Variants in GRM5 observed in about 807,000 individuals in gnomAD.
The protein encoded by GRM5 is glutamate metabotropic receptor 5, also known as metabotropic glutamate receptor 5.
GRM5 carries 19 observed loss-of-function variants against 83.1 expected under a neutral mutation model. That is an observed-to-expected ratio of 0.23 (90% CI 0.16 to 0.34). The LOEUF is 0.34. Among genes scored for constraint, GRM5 ranks in the 10% least tolerant of loss-of-function variants. The pLI, the probability that GRM5 is intolerant of heterozygous loss-of-function variation, is 1.00. For missense variants in GRM5, 1,160 were observed against 1,588.3 expected (o/e 0.73, Z 4.58); for synonymous variants, 675 against 633.6 (o/e 1.07, Z -0.98).
intron 7 of GRM5, among the ~76,000 whole-genome samples, chr11:88,570,571 ATTTTTTTTTTTT>A (rs1194098388): frequency 6.5e-5 from 3 of 46,376 alleles, no homozygotes; most frequent in African/African-American, 4.0e-4. Flanking sequence ...ATATATATAT[ATTTTTTTTTTTT>A]TTTTTTTTTT....
chr11:88,635,953 T>C (rs571535166), intron 4 of GRM5, among the ~76,000 whole-genome samples: 1 of 152,360 alleles, frequency 6.6e-6, no homozygotes, highest in African/African-American at 2.4e-5. Flanking sequence ...TCTAATTATT[T>C]ACTGCTATTA....
intron 1 of GRM5, among the ~76,000 whole-genome samples, chr11:89,060,127 T>C (rs1269098641): frequency 2.0e-5 from 3 of 152,098 alleles, no homozygotes; most frequent in Admixed American, 6.6e-5. Context: ...GTTTATTGTT[T>C]AGCCACACCA....
chr11:88,928,446 A>ATGTGTG (rs5793360), intron 2 of GRM5, among the ~76,000 whole-genome samples: 4,386 of 144,662 alleles, frequency 0.03, 240 homozygotes, highest in African/African-American at 0.11. Flanking sequence ...AATCTATCAT[A>ATGTGTG]TGTGTGTGTG....
At chr11:88,937,296 G>T (rs544226471) in intron 2 of GRM5, among the ~76,000 whole-genome samples, 2 of 151,770 alleles carry the variant, frequency 1.3e-5, no homozygotes, top group East Asian at 3.9e-4. Context: ...TATTAGTAAT[G>T]ATATTCTCTG....
rs374512915 is a variant in GRM5 at position 88,792,833 on chromosome 11, C to T, written c.911+57073G>A. Among the ~76,000 whole-genome samples the T allele has an allele frequency of 3.2e-4, 48 of 152,034 alleles. 2 individuals are homozygous for T. The East Asian group carries it at 4.2e-3, about 13-fold the overall frequency. Reference sequence around the variant, plus strand: ...TACCATAACCATTTGTATTTACATACGCTTAGAATATGTGCAAGTATTATT... The same window carrying T: ...TACCATAACCATTTGTATTTACATATGCTTAGAATATGTGCAAGTATTATT... On this transcript the variant is annotated intron_variant, in intron 3 of 9. Transcript: ENST00000305447.
chr11:88,604,151 G>A (rs1938077149), intron 5 of GRM5, among the ~76,000 whole-genome samples: 1 of 152,058 alleles, frequency 6.6e-6, no homozygotes, highest in Admixed American at 6.6e-5. Context: ...ATGAGTTTAT[G>A]TTCCTCAAGT....
At chr11:88,770,847 T>C (rs573258400) in intron 3 of GRM5, among the ~76,000 whole-genome samples, 47 of 152,250 alleles carry the variant, frequency 3.1e-4, no homozygotes, top group African/African-American at 1.1e-3. Flanking sequence ...CATGTGATAA[T>C]GTATTCGGTT....
chr11:88,718,938 T>C (rs1212028403), intron 3 of GRM5, among the ~76,000 whole-genome samples: 1 of 151,990 alleles, frequency 6.6e-6, no homozygotes, highest in Non-Finnish European at 1.5e-5. Context: ...GTCTTCTCCT[T>C]GTTATTCTCA....
chr11:88,748,025 AC>A (rs1942179806), intron 3 of GRM5, among the ~76,000 whole-genome samples: 3 of 152,130 alleles, frequency 2.0e-5, no homozygotes, highest in Admixed American at 2.0e-4. Flanking sequence ...AGTATGTTCC[AC>A]TCTGGAGTAG....
chr11:89,034,052 T>TGA (rs34090993), intron 2 of GRM5, among the ~76,000 whole-genome samples: 139,421 of 151,298 alleles, frequency 0.92, 64,234 homozygotes, highest in Non-Finnish European at 0.93. Flanking sequence ...ATAATTATTA[T>TGA]GAGGTCGAAT....
At chr11:88,546,810 G>A (rs1490512756) in intron 8 of GRM5, among the ~76,000 whole-genome samples, 1 of 152,068 alleles carries the variant, frequency 6.6e-6, no homozygotes, top group African/African-American at 2.4e-5. Context: ...TGAGTGGTGA[G>A]GGAGCTTGGT....
chr11:89,044,864 A>AT (rs1181243225), intron 2 of GRM5, among the ~76,000 whole-genome samples: 1 of 150,580 alleles, frequency 6.6e-6, no homozygotes, highest in Non-Finnish European at 1.5e-5. Flanking sequence ...AAAAAAAAAA[A>AT]GCATGACCTT....
chr11:88,700,031 C>G (rs1940992490), intron 3 of GRM5, among the ~76,000 whole-genome samples: 1 of 152,114 alleles, frequency 6.6e-6, no homozygotes, highest in Non-Finnish European at 1.5e-5. Context: ...ATGGATAAAA[C>G]TTTAGTGAAT....
intron 2 of GRM5, among the ~76,000 whole-genome samples, chr11:88,981,502 T>C (rs1412111511): frequency 6.6e-6 from 1 of 152,098 alleles, no homozygotes; most frequent in Non-Finnish European, 1.5e-5. Flanking sequence ...AGACAAAACA[T>C]TGGAATGGAT....
Position 88,877,196 on chromosome 11 carries a change from C to A in GRM5, c.662-27041G>T, listed in dbSNP as rs1944869634. ...GCCAAGAATAAGGTATTATATACTT[C>A]AAAGTAGCAAGAAGAGATGATTTTG... On this transcript the variant is annotated intron_variant, in intron 2 of 9. Transcript: ENST00000305447. Among the ~76,000 whole-genome samples, 10 of 151,978 alleles carry A rather than the reference C, an allele frequency of 6.6e-5. No homozygotes were observed. In the South Asian group the frequency reaches 2.1e-3, roughly 32 times the overall value.
chr11:88,956,636 C>G (rs1938624396), intron 2 of GRM5, among the ~76,000 whole-genome samples: 1 of 151,382 alleles, frequency 6.6e-6, no homozygotes, highest in Non-Finnish European at 1.5e-5. Context: ...GAAACCCCGT[C>G]TCTACTAAAA....
chr11:88,797,822 G>A (rs1466199138), intron 3 of GRM5, among the ~76,000 whole-genome samples: 1 of 119,292 alleles, frequency 8.4e-6, no homozygotes, highest in African/African-American at 4.4e-5. Context: ...ATGAATTGCT[G>A]TTGTTAAAAA....
At chr11:88,630,590 C>CAT (rs1257148349) in intron 4 of GRM5, among the ~76,000 whole-genome samples, 4 of 129,266 alleles carry the variant, frequency 3.1e-5, no homozygotes, top group African/African-American at 8.0e-5. Context: ...CACACACACA[C>CAT]ATATTATGAT....
chr11:88,821,045 C>T (rs1471752605), intron 3 of GRM5, among the ~76,000 whole-genome samples: 1 of 152,072 alleles, frequency 6.6e-6, no homozygotes, highest in Non-Finnish European at 1.5e-5. Context: ...AGATACACAT[C>T]ACTGAAGCCA....
Sources: allele counts gnomAD v4.1 joint callset (sites outside exome capture counted in the v4.1 genomes callset), GRCh38; gene constraint gnomAD v4.1.1; transcripts MANE v1.5; gene names NCBI Gene and HGNC (gene_info 2026-07-23, HGNC 2026-07-21).